The following BMP4 variants were observed in gnomAD, a reference collection of about 807,000 sequenced individuals.
The protein encoded by BMP4 is bone morphogenetic protein 4.
In BMP4, 3 loss-of-function variants were observed where a neutral mutation model predicts 29.6. The ratio of observed to expected loss-of-function variants is 0.10; its 90% CI spans 0.05 to 0.26. The LOEUF (loss-of-function observed/expected upper bound fraction) is 0.26, where lower values mean the gene tolerates loss of function less well. Ranked by LOEUF, BMP4 falls within the 10% of genes least tolerant of loss-of-function variation. The probability of loss-of-function intolerance (pLI) is 1.00; values close to 1 mark genes in which losing one functional copy is unlikely to be tolerated. For missense variants in BMP4, 455 were observed against 550.2 expected, an observed-to-expected ratio of 0.83 and a Z score of 1.73; for synonymous variants, 197 against 213.2, an observed-to-expected ratio of 0.92 and a Z score of 0.66.
At position 53,953,284 on chromosome 14, in the gene BMP4, A is replaced by T. The variant is rs1006479936; in HGVS notation, c.-16T>A. The T allele has an allele frequency of 2.5e-6, 1 of 398,994 alleles. No individual in the cohort carries two copies. The highest frequency in any genetic ancestry group is 4.4e-5 in the Admixed American group (1 of 22,716). The allele number at this position is 398,994 out of a possible 1,614,324, so 24.7% of individuals were successfully genotyped here. On this transcript the variant is annotated 5_prime_UTR_variant, in exon 2 of 4. Coordinates refer to ENST00000245451, the MANE Select transcript of BMP4 (RefSeq NM_001202.6). ...AAGAGGTGTCTACTCACTGACAGAA[A>T]ACAAGGCATATAATAACAGTCCATG...
At chr14:53,952,707 C>A (rs1449629255) in intron 2 of BMP4, among the ~76,000 whole-genome samples, 3 of 152,072 alleles carry the variant, frequency 2.0e-5, no homozygotes, top group Admixed American at 6.6e-5. Context: ...TGGTTCAGAG[C>A]CAGAGGGAGG....
Position 53,949,945 on chromosome 14 carries a change from G to A in BMP4, c.*87C>T. ...AAGGAAGCAGTCTGTGTAGTGTGTG[G>A]GTGAGTGGATGGGAACGTGTGTGTG... On this transcript the variant is annotated 3_prime_UTR_variant, in exon 4 of 4. Transcript: ENST00000245451. The A allele has an allele frequency of 6.9e-7, 1 of 1,444,070 alleles. No individual in the cohort carries two copies. The highest frequency in any genetic ancestry group is 2.3e-5 in the East Asian group (1 of 43,102). 89.5% of individuals were successfully genotyped at this position (1,444,070 alleles called of 1,614,324 possible).
upstream of BMP4, chr14:53,956,878 C>T (rs944908528): frequency 8.6e-5 from 33 of 383,396 alleles, 1 homozygote; most frequent in East Asian, 3.7e-4. Context: ...CTCCTCTTCC[C>T]CGGCGGCCCC....
intron 2 of BMP4, among the ~76,000 whole-genome samples, 187 bp downstream of exon 2, chr14:53,953,089 A>AG (rs923120219): frequency 6.6e-6 from 1 of 152,184 alleles, no homozygotes; most frequent in African/African-American, 2.4e-5. Context: ...GCGCGCTAGC[A>AG]GCACTTTAAA....
At chr14:53,951,489 G>C (rs1284507110) in intron 3 of BMP4, 1 of 241,272 alleles carries the variant, frequency 4.1e-6, no homozygotes, top group Non-Finnish European at 8.0e-6. Flanking sequence ...ATTCAGATCG[G>C]ATTACAAGGC....
Position 53,950,945 on chromosome 14 carries a change from A to G in BMP4, c.371-57T>C. 4 of 1,594,280 alleles carry G rather than the reference A, an allele frequency of 2.5e-6. No homozygotes were observed. The highest frequency in any genetic ancestry group is 3.4e-6 in the Non-Finnish European group (4 of 1,176,672). On this transcript the variant is annotated intron_variant, in intron 3 of 3. Transcript: ENST00000245451. The surrounding 1 kb of genome is among the most constrained non-coding windows in gnomAD (Gnocchi z 5.4). ...AAAAGCATATGAACTTTTTTCAAAGATGGAAGAGTCAAGAGATAGCTCAGG... is the reference window on the plus strand; with the variant it reads ...AAAAGCATATGAACTTTTTTCAAAGGTGGAAGAGTCAAGAGATAGCTCAGG...
chr14:53,951,448 T>A, intron 3 of BMP4: 1 of 211,620 alleles, frequency 4.7e-6, no homozygotes. Flanking sequence ...AACTCAGATT[T>A]ACTTTGGAAA....
rs1895649744 is a variant in BMP4, at chr14:53,954,920, T to C, written c.-132-1520A>G. On this transcript the variant is annotated intron_variant, in intron 1 of 3. Transcript: ENST00000245451. The surrounding 1 kb of genome is among the most constrained non-coding windows in gnomAD (Gnocchi z 4.8). Reference sequence around the variant, plus strand: ...TCTCCACGCACATACTTGGTTTTCTTCTTAGGGGCATTGGCAGGTAGACTT... The same window carrying C: ...TCTCCACGCACATACTTGGTTTTCTCCTTAGGGGCATTGGCAGGTAGACTT... 6.6e-6 allele frequency among the ~76,000 whole-genome samples: 1 copy of C among 152,140 alleles called. No homozygotes were observed. Among genetic ancestry groups the C allele is most frequent in the Admixed American group, 6.5e-5 (1 of 15,288 alleles).
At position 53,954,628 on chromosome 14, in the gene BMP4, A is replaced by G. The variant is rs1445210333; in HGVS notation, c.-132-1228T>C. ...ACTCCTTCAAGAATTTTACCTACCT[A>G]CAGTTCAAGCAGTTACTGGGATGTC... On this transcript the variant is annotated intron_variant, in intron 1 of 3. Coordinates refer to ENST00000245451, the MANE Select transcript of BMP4 (RefSeq NM_001202.6). This position sits in a 1 kb window ranked among gnomAD's most constrained non-coding sequence, Gnocchi z 4.8. 6.6e-6 allele frequency: 1 copy of G among 151,020 alleles called. No individual in the cohort carries two copies. Among genetic ancestry groups the G allele is most frequent in the Non-Finnish European group, 1.5e-5 (1 of 67,924 alleles). 9.4% of individuals were successfully genotyped at this position (151,020 alleles called of 1,614,324 possible).
At position 53,956,572 on chromosome 14, in the gene BMP4, C is replaced by T. The variant is rs540859284; in HGVS notation, c.-155G>A. 84 of 399,324 alleles carry T rather than the reference C, an allele frequency of 2.1e-4. 1 individual carries two copies. The highest frequency in any genetic ancestry group is 1.7e-3 in the African/African-American group (81 of 48,764). The allele number at this position is 399,324 out of a possible 1,614,324, so 24.7% of individuals were successfully genotyped here. ...CACCATAGGTCCCTGCAGTAGCGGG[C>T]TCGCCAGCAGCAGCTCCTGGGGACC... On this transcript the variant is annotated 5_prime_UTR_variant, in exon 1 of 4. Coordinates refer to ENST00000245451, the MANE Select transcript of BMP4 (RefSeq NM_001202.6).
chr14:53,951,373 C>A (rs767714203), intron 3 of BMP4: 1 of 212,232 alleles, frequency 4.7e-6, no homozygotes, highest in South Asian at 8.6e-5. Context: ...ACAGAGCATG[C>A]CTTGTTGATC....
Position 53,952,061 on chromosome 14 carries a change from C to A in BMP4, c.162G>T (p.Leu54=). The A allele has an allele frequency of 6.2e-7, 1 of 1,614,220 alleles. No individual in the cohort carries two copies. The highest frequency in any genetic ancestry group is 1.3e-5 in the African/African-American group (1 of 75,070). Residue 54 remains leucine, a synonymous_variant, in exon 3 of 4, where the codon CTG becomes CTT. Coordinates refer to ENST00000245451, the MANE Select transcript of BMP4 (RefSeq NM_001202.6). ...GRRSGQSHEL[L]RDFEATLLQM... is the part of the protein sequence containing the mutation. ...GCAGAAGTGTCGCCTCGAAGTCCCG[C>A]AGGAGCTCATGGCTCTGCCCTGAGC...
intron 3 of BMP4, chr14:53,951,568 G>T (rs951786294): frequency 1.0e-5 from 4 of 393,546 alleles, no homozygotes; most frequent in African/African-American, 6.0e-5. Context: ...GAAAAAAACG[G>T]GCAGAAAACC....
rs1289950022 is a variant in BMP4 at position 53,954,840 on chromosome 14, G to C, written c.-132-1440C>G. ...CCTCCCTTTCCTGAGGCTGTTCCCA[G>C]TTGCTGCTTTGGGTCGCTCCGGAGC... is the stretch of plus-strand genomic sequence containing the variant. On this transcript the variant is annotated intron_variant, in intron 1 of 3. Transcript: ENST00000245451. The surrounding 1 kb of genome is among the most constrained non-coding windows in gnomAD (Gnocchi z 4.8). Among the ~76,000 whole-genome samples the C allele has an allele frequency of 6.6e-6, 1 of 152,178 alleles. No homozygotes were observed. Among genetic ancestry groups the C allele is most frequent in the Non-Finnish European group, 1.5e-5 (1 of 68,038 alleles).
In BMP4 at chr14:53,951,914, A is replaced by C; in HGVS notation, c.309T>G (p.Gly103=). The C allele has an allele frequency of 6.2e-7, 1 of 1,603,692 alleles. No homozygotes were observed. The highest frequency in any genetic ancestry group is 8.5e-7 in the Non-Finnish European group (1 of 1,179,926). ...TGGCCGGGCGCTCAGGATACTCAAG[A>C]CCAGTGCTGTGGATCTGCTCTTCCT... ...EEEEEQIHST[G]LEYPERPASR... is the part of the protein sequence containing the mutation. Residue 103 remains glycine, a synonymous_variant, in exon 3 of 4, where the codon GGT becomes GGG. Transcript: ENST00000245451.
chr14:53,953,628 C>G (rs1874242712), intron 1 of BMP4, among the ~76,000 whole-genome samples: 1 of 151,908 alleles, frequency 6.6e-6, no homozygotes, highest in East Asian at 2.0e-4. Context: ...GAGGAGCTCC[C>G]GGCGGCGCTC....
Position 53,949,849 on chromosome 14 carries a change from A to G in BMP4, c.*183T>C. The G allele has an allele frequency of 1.6e-6, 1 of 640,542 alleles. No individual in the cohort carries two copies. The allele number at this position is 640,542 out of a possible 1,614,324, so 39.7% of individuals were successfully genotyped here. On this transcript the variant is annotated 3_prime_UTR_variant, in exon 4 of 4. Coordinates refer to ENST00000245451, the MANE Select transcript of BMP4 (RefSeq NM_001202.6). Reference sequence around the variant, plus strand: ...CAAAACATTTGCACGTAAAGTCATAAATAAGGTCAAGGTGAATGTTTAGGG... The same window carrying G: ...CAAAACATTTGCACGTAAAGTCATAGATAAGGTCAAGGTGAATGTTTAGGG...
chr14:53,953,674 G>A (rs1400853605), intron 1 of BMP4, among the ~76,000 whole-genome samples: 1 of 151,896 alleles, frequency 6.6e-6, no homozygotes, highest in Non-Finnish European at 1.5e-5. Flanking sequence ...CGGCCGCCGC[G>A]CTCCCAGGGC....
rs373359710 is a variant in BMP4, at chr14:53,954,350, A to G, written c.-132-950T>C. On this transcript the variant is annotated intron_variant, in intron 1 of 3. Transcript: ENST00000245451. The surrounding 1 kb of genome is among the most constrained non-coding windows in gnomAD (Gnocchi z 4.8). ...AGAGGCGTCGCTGCAGAAAGGACGC[A>G]TCACAGTTTTCAGATCTTAATGTGG... 1.3e-5 allele frequency: 2 copies of G among 152,110 alleles called. No homozygotes were observed. Among genetic ancestry groups the G allele is most frequent in the East Asian group, 1.9e-4 (1 of 5,164 alleles). The allele number at this position is 152,110 out of a possible 1,614,324, so 9.4% of individuals were successfully genotyped here. A position where few individuals can be genotyped will look rare whatever the true frequency, so the allele number is the denominator to read the frequency against.
Sources: gnomAD v4.1 joint callset for allele counts (sites outside exome capture counted in the v4.1 genomes callset) on GRCh38, gnomAD v4.1.1 for gene constraint, Gnocchi (gnomAD v3.1) non-coding constraint, MANE v1.5 for transcripts, NCBI Gene and HGNC (gene_info 2026-07-23, HGNC 2026-07-21) for gene names.